SPTA1: variants seen among roughly 807,000 people sequenced by gnomAD.
SPTA1 encodes spectrin alpha, erythrocytic 1.
SPTA1 carries 177 observed loss-of-function variants against 324.7 expected under a neutral mutation model. That is an observed-to-expected ratio of 0.55 (90% CI 0.48 to 0.62). The LOEUF is 0.62. Ranked by LOEUF, SPTA1 falls within the 20% of genes least tolerant of loss-of-function variation. The probability of loss-of-function intolerance (pLI) is 0.00; values close to 1 mark genes in which losing one functional copy is unlikely to be tolerated. For missense variants in SPTA1, 3,162 were observed against 2,883.6 expected, an observed-to-expected ratio of 1.10 and a Z score of -2.21; for synonymous variants, 1,195 against 1,041.3, an observed-to-expected ratio of 1.15 and a Z score of -2.84.
chr1:158,639,272 A>T (rs1651345929), intron 35 of SPTA1: 1 of 328,786 alleles, frequency 3.0e-6, no homozygotes, highest in South Asian at 3.5e-5. Flanking sequence ...TTTCTTTCAA[A>T]TACCAGATCA....
In SPTA1 at chr1:158,615,436, T is replaced by A. The variant is rs768792457; in HGVS notation, c.6601-33A>T. 5 of 1,610,754 alleles carry A rather than the reference T, an allele frequency of 3.1e-6. No homozygotes were observed. The Admixed American group carries it at 6.7e-5, about 21-fold the overall frequency. On this transcript the variant is annotated intron_variant, in intron 47 of 51. Transcript: ENST00000643759. ...AACGACAGAGAAGAGAGACAATTAG[T>A]TGCCCAGGTTACCAGCTCAAAACCT...
At chr1:158,626,643 A>G (rs2101779715) in intron 41 of SPTA1, among the ~76,000 whole-genome samples, 196 bp downstream of exon 41, 1 of 151,886 alleles carries the variant, frequency 6.6e-6, no homozygotes, top group African/African-American at 2.4e-5. Context: ...TCTCTTTCTC[A>G]CTTTGTGTGT....
chr1:158,636,673 C>T lies in SPTA1; in HGVS notation c.5278G>A (p.Gly1760Arg), dbSNP rs574755915. ...GCAGGCTCATGGGCCACCAGCTCCC[C>T]CTCTAGGCGTTTGTGCTTCTTCAGC... ...NLLKKHKRLE[G>R]ELVAHEPAIQ... The change falls in exon 37 of 52, where the codon GGG becomes AGG. Residue 1760 changes from glycine (G) to arginine (R), a missense_variant. Transcript: ENST00000643759. 5 of 1,614,090 alleles carry T rather than the reference C, an allele frequency of 3.1e-6. No individual in the cohort carries two copies. The South Asian group carries it at 4.4e-5, about 14-fold the overall frequency.
chr1:158,626,081 A>T (rs780420539), intron 42 of SPTA1, 65 bp downstream of exon 42: 248 of 1,436,160 alleles, frequency 1.7e-4, no homozygotes, highest in Admixed American at 5.9e-4. Flanking sequence ...AGAAATAAAT[A>T]ATCATGGAGG....
chr1:158,634,891 G>T (rs1650952306), intron 38 of SPTA1, among the ~76,000 whole-genome samples: 1 of 152,140 alleles, frequency 6.6e-6, no homozygotes, highest in Non-Finnish European at 1.5e-5. Flanking sequence ...AGTTCATTTT[G>T]TGGCACCATC....
At chr1:158,667,533 A>G (rs1161166949) in intron 15 of SPTA1, among the ~76,000 whole-genome samples, 1 of 152,220 alleles carries the variant, frequency 6.6e-6, no homozygotes, top group Non-Finnish European at 1.5e-5. Context: ...TCATGGTTCA[A>G]AAATACTTGT....
intron 27 of SPTA1, 58 bp from the exon 28 acceptor site, chr1:158,645,652 G>T: frequency 6.4e-7 from 1 of 1,556,170 alleles, no homozygotes; most frequent in Non-Finnish European, 8.9e-7. Context: ...CTACAGTGCT[G>T]TTTGTCCTAC....
intron 27 of SPTA1, 27 bp from the exon 28 acceptor site, chr1:158,645,621 A>G (rs1651943338): frequency 1.2e-5 from 19 of 1,612,972 alleles, no homozygotes; most frequent in Non-Finnish European, 1.6e-5. Context: ...ATTGGAATTG[A>G]CAAGAAAACC....
In SPTA1 at chr1:158,658,083, A is replaced by G. The variant is rs557135856; in HGVS notation, c.2588-389T>C. 9.8e-5 allele frequency among the ~76,000 whole-genome samples: 15 copies of G among 152,334 alleles called. No individual in the cohort carries two copies. The South Asian group carries it at 3.1e-3, about 32-fold the overall frequency. ...TTGCTCTTCCACCCTAAACAACTAG[A>G]AAACAGGAAAAGCTGTAAGATAAAA... On this transcript the variant is annotated intron_variant, in intron 18 of 51. Transcript: ENST00000643759.
chr1:158,666,576 G>A, intron 15 of SPTA1, 79 bp from the exon 16 acceptor site: 1 of 1,251,164 alleles, frequency 8.0e-7, no homozygotes, highest in Non-Finnish European at 1.1e-6. Flanking sequence ...TCCTCCAATT[G>A]AAGGATCAAT....
chr1:158,653,181 CA>C, intron 22 of SPTA1, 92 bp downstream of exon 22: 1 of 1,555,206 alleles, frequency 6.4e-7, no homozygotes, highest in Non-Finnish European at 8.8e-7. Context: ...TGTGGCATCT[CA>C]AATCTAACAG....
chr1:158,611,305 A>G lies in SPTA1; in HGVS notation c.7219T>C (p.Tyr2407His), dbSNP rs754680594. The change falls in exon 52 of 52, where the codon TAT becomes CAT. Residue 2407 changes from tyrosine to histidine, a missense_variant. By Grantham distance (83) the Tyr-to-His change is moderately conservative. Coordinates refer to ENST00000643759, the MANE Select transcript of SPTA1 (RefSeq NM_003126.4). ...GAATTGGTGAAGCCAACGTAGTCAT[A>G]GCCAGAGAGATGGCTTCGACCCCGT... is the stretch of plus-strand genomic sequence containing the variant. Reference protein sequence around the residue: ...DPRGRSHLSGYDYVGFTNSYF... With the variant: ...DPRGRSHLSGHDYVGFTNSYF... 12 of 1,613,778 alleles carry G rather than the reference A, an allele frequency of 7.4e-6. No individual in the cohort carries two copies. The Admixed American group carries it at 1.7e-4, about 22-fold the overall frequency.
intron 42 of SPTA1, among the ~76,000 whole-genome samples, chr1:158,625,467 G>A (rs909673110): frequency 6.6e-6 from 1 of 151,814 alleles, no homozygotes; most frequent in African/African-American, 2.4e-5. Context: ...CTTTTCAAAT[G>A]TACATACAAT....
At position 158,620,364 on chromosome 1, in the gene SPTA1, G is replaced by C; in HGVS notation, c.6223C>G (p.Leu2075Val). The change falls in exon 44 of 52, where the codon CTG becomes GTG. Residue 2075 changes from leucine (L) to valine (V), a missense_variant. By Grantham distance (32) the Leu-to-Val change is conservative. Transcript: ENST00000643759. ...NLSEPVHCVS[L>V]NEIRQLQKDH... Reference sequence around the variant, plus strand: ...TTCTGCAGCTGCCGAATTTCATTCAGGGAGACACAGTGCACAGGCTCTGAC... The same window carrying C: ...TTCTGCAGCTGCCGAATTTCATTCACGGAGACACAGTGCACAGGCTCTGAC... 1 of 1,614,096 alleles carries C rather than the reference G, an allele frequency of 6.2e-7. No homozygotes were observed. The highest frequency in any genetic ancestry group is 8.5e-7 in the Non-Finnish European group (1 of 1,180,042).
chr1:158,629,481 CA>C (rs1256679131), intron 39 of SPTA1, among the ~76,000 whole-genome samples: 1 of 151,818 alleles, frequency 6.6e-6, no homozygotes, highest in African/African-American at 2.4e-5. Flanking sequence ...CAGAATTCAG[CA>C]CTCTTTCATG....
chr1:158,624,210 C>T (rs560465118), intron 42 of SPTA1, among the ~76,000 whole-genome samples: 2 of 152,330 alleles, frequency 1.3e-5, no homozygotes. Flanking sequence ...GGAACACCCG[C>T]CCCTGACAGA....
At chr1:158,654,221 T>C (rs1022489385) in intron 21 of SPTA1, among the ~76,000 whole-genome samples, 31 of 152,330 alleles carry the variant, frequency 2.0e-4, no homozygotes, top group African/African-American at 7.5e-4. Context: ...CATCTTTTGG[T>C]AGGCTCCTTC....
chr1:158,639,652 C>G lies in SPTA1; in HGVS notation c.4910G>C (p.Arg1637Thr), dbSNP rs1571420299. 6.2e-7 allele frequency: 1 copy of G among 1,613,806 alleles called. No individual in the cohort carries two copies. Among genetic ancestry groups the G allele is most frequent in the African/African-American group, 1.3e-5 (1 of 74,908 alleles). ...ETLLAMKDQA[R>T]DLASAGNLLK... is the part of the protein sequence containing the mutation. ...TAGGTTTCCTGCTGAAGCCAAGTCC[C>G]TGGCCTGATCTTTCATGGCCAGCAA... The change falls in exon 35 of 52, where the codon AGG (arginine) becomes ACG (threonine). Residue 1637 changes from arginine (R) to threonine (T), a missense_variant. Arg to Thr is a moderately conservative substitution (Grantham distance 71). Coordinates refer to ENST00000643759, the MANE Select transcript of SPTA1 (RefSeq NM_003126.4).
At chr1:158,621,728 A>T (rs930067137) in intron 43 of SPTA1, among the ~76,000 whole-genome samples, 1 of 152,328 alleles carries the variant, frequency 6.6e-6, no homozygotes, top group Admixed American at 6.5e-5. Flanking sequence ...AAGTGTGGAA[A>T]TTAACTAAGA....
Sources: gnomAD v4.1 joint callset for allele counts (sites outside exome capture counted in the v4.1 genomes callset) on GRCh38, gnomAD v4.1.1 for gene constraint, MANE v1.5 for transcripts, NCBI Gene and HGNC (gene_info 2026-07-23, HGNC 2026-07-21) for gene names.